EPHA1: variants seen among roughly 807,000 people sequenced by gnomAD.
EPHA1 encodes the protein ephrin type-A receptor 1.
EPHA1 carries 92 observed loss-of-function variants against 110.1 expected under a neutral mutation model. The observed-to-expected ratio is 0.84, with a 90% confidence interval of 0.71 to 0.99. The LOEUF is 0.99. Among genes scored for constraint, EPHA1 ranks in the 50% least tolerant of loss-of-function variants. The pLI is 0.00. For synonymous variants in EPHA1, 500 were observed against 516.1 expected, an observed-to-expected ratio of 0.97 and a Z score of 0.42; for missense variants, 1,204 against 1,285.4, an observed-to-expected ratio of 0.94 and a Z score of 0.97.
intron 2 of EPHA1, among the ~76,000 whole-genome samples, chr7:143,404,214 A>T (rs1438624147): frequency 8.7e-6 from 1 of 115,482 alleles, no homozygotes; most frequent in Non-Finnish European, 1.9e-5. Flanking sequence ...ATGGAGAGAT[A>T]TATCTTTTTT....
rs1462313272 is a variant in EPHA1 at position 143,395,856 on chromosome 7, T to C, written c.1898-352A>G. Among the ~76,000 whole-genome samples, 1 of 152,218 alleles carries C rather than the reference T, an allele frequency of 6.6e-6. No homozygotes were observed. Among genetic ancestry groups the C allele is most frequent in the Non-Finnish European group, 1.5e-5 (1 of 68,036 alleles). Reference sequence around the variant, plus strand: ...ACCCAAGTGGCAGGGACGCTGGCTATGGCCGCCTCTCTTCTGTGAGCTCCT... The same window carrying C: ...ACCCAAGTGGCAGGGACGCTGGCTACGGCCGCCTCTCTTCTGTGAGCTCCT... On this transcript the variant is annotated intron_variant, in intron 11 of 17. Transcript: ENST00000275815. This position sits in a 1 kb window ranked among gnomAD's most constrained non-coding sequence, Gnocchi z 4.7.
rs373049955 is a variant in EPHA1, at chr7:143,398,355, G to A, written c.1430C>T (p.Ala477Val). Reference protein sequence around the residue: ...WAGSRPRSPGANLTYELHVLN... With the variant: ...WAGSRPRSPGVNLTYELHVLN... ...CACGTGCAGCTCATAGGTCAGGTTC[G>A]CCCCAGGGCTTCGGGGCCGGGACCC... Residue 477 changes from alanine to valine, a missense_variant, in exon 7 of 18, where the codon GCG (alanine) becomes GTG (valine). Transcript: ENST00000275815. The A allele has an allele frequency of 8.4e-5, 136 of 1,614,090 alleles. No individual in the cohort carries two copies. The highest frequency in any genetic ancestry group is 1.3e-4 in the South Asian group (12 of 91,084).
chr7:143,402,061 G>A (rs957005812), intron 2 of EPHA1, among the ~76,000 whole-genome samples: 3 of 151,664 alleles, frequency 2.0e-5, no homozygotes, highest in Admixed American at 2.0e-4. Flanking sequence ...GGGACTACAG[G>A]TGCCTGCCAA....
At position 143,393,628 on chromosome 7, in the gene EPHA1, A is replaced by T; in HGVS notation, c.2696+43T>A. The T allele has an allele frequency of 1.3e-6, 2 of 1,599,324 alleles. No homozygotes were observed. The highest frequency in any genetic ancestry group is 1.1e-5 in the South Asian group (1 of 89,058). On this transcript the variant is annotated intron_variant, in intron 16 of 17. Transcript: ENST00000275815. The surrounding 1 kb of genome is among the most constrained non-coding windows in gnomAD (Gnocchi z 5.6). ...GCTGAATGCCCATTTCCACTCTCCT[A>T]GCGCTGCCTCTGGGTTCCCTAGTCC...
chr7:143,391,403 T>C lies in EPHA1; in HGVS notation c.*54A>G. 4 of 1,605,490 alleles carry C rather than the reference T, an allele frequency of 2.5e-6. No homozygotes were observed. Among genetic ancestry groups the C allele is most frequent in the Non-Finnish European group, 3.4e-6 (4 of 1,175,160 alleles). ...GCGCAGGGAGTGACCATGAGCGACC[T>C]TGGCCCCGTCCTTGCTCCTTGCACC... is the stretch of plus-strand genomic sequence containing the variant. On this transcript the variant is annotated 3_prime_UTR_variant, in exon 18 of 18. Transcript: ENST00000275815.
chr7:143,396,578 G>C, intron 10 of EPHA1, 68 bp from the exon 11 acceptor site: 1 of 1,569,108 alleles, frequency 6.4e-7, no homozygotes, highest in Non-Finnish European at 8.7e-7. Context: ...TCAGGAGAAG[G>C]GCCAGCAGCG....
Position 143,399,633 on chromosome 7 carries a change from C to T in EPHA1, c.835+18G>A, listed in dbSNP as rs369540551. ...CCTCCCGAGTGGTTCCTCAGGTTCT[C>T]ACCGCCTCCGTTCTTACCAACACAT... On this transcript the variant is annotated intron_variant, in intron 4 of 17. Transcript: ENST00000275815. The T allele has an allele frequency of 4.3e-6, 7 of 1,611,832 alleles. No homozygotes were observed. Among genetic ancestry groups the T allele is most frequent in the Non-Finnish European group, 5.1e-6 (6 of 1,179,668 alleles).
intron 14 of EPHA1, 128 bp downstream of exon 14, chr7:143,394,680 A>G: frequency 8.7e-7 from 1 of 1,155,258 alleles, no homozygotes; most frequent in Non-Finnish European, 1.2e-6. Flanking sequence ...TCGGCCTCCC[A>G]AAGTGCTGGG....
chr7:143,398,018 A>G lies in EPHA1; in HGVS notation c.1517T>C (p.Leu506Pro). Residue 506 changes from leucine to proline, a missense_variant, in exon 8 of 18, where the codon CTG becomes CCG. Physicochemically the swap from Leu to Pro is moderately conservative, Grantham distance 98. Transcript: ENST00000275815. ...GACGATGTATGTGGTGTCAGGCTGC[A>G]GCTCTGTCAGCAAGACCCTGGGTTC... ...VLEPRVLLTE[L>P]QPDTTYIVRV... The G allele has an allele frequency of 6.2e-7, 1 of 1,614,148 alleles. No homozygotes were observed. The highest frequency in any genetic ancestry group is 8.5e-7 in the Non-Finnish European group (1 of 1,180,008).
At position 143,399,925 on chromosome 7, in the gene EPHA1, G is replaced by A. The variant is rs200650836; in HGVS notation, c.561C>T (p.Asn187=). ...ACACCAGGGCCACACAGGCACCCGG[G>A]TTGTGGAAAGCGAGGTAGAGGCCAC... is the stretch of plus-strand genomic sequence containing the variant. ...TRRGLYLAFH[N]PGACVALVSV... is the part of the protein sequence containing the mutation. The change falls in exon 4 of 18, where the codon AAC becomes AAT. Residue 187 remains asparagine (N), a synonymous_variant. Coordinates refer to ENST00000275815, the MANE Select transcript of EPHA1 (RefSeq NM_005232.5). 7.9e-5 allele frequency: 128 copies of A among 1,613,626 alleles called. No individual in the cohort carries two copies. The African/African-American group carries it at 1.2e-3, about 15-fold the overall frequency.
chr7:143,400,258 A>G (rs1805382737), intron 3 of EPHA1, among the ~76,000 whole-genome samples: 1 of 152,168 alleles, frequency 6.6e-6, no homozygotes, highest in African/African-American at 2.4e-5. Flanking sequence ...TATTGTCTCT[A>G]TTTAATAGAT....
chr7:143,401,206 T>A lies in EPHA1; in HGVS notation c.432+118A>T. The stretch of plus-strand genomic sequence containing the variant: ...CCATGCCCAGCCTTCAAGCGCCAAA[T>A]TCTTTTCAAGATTCTACCTCTGCAC... On this transcript the variant is annotated intron_variant, in intron 3 of 17. Coordinates refer to ENST00000275815, the MANE Select transcript of EPHA1 (RefSeq NM_005232.5). This position sits in a 1 kb window ranked among gnomAD's most constrained non-coding sequence, Gnocchi z 4.1. 1.4e-6 allele frequency: 2 copies of A among 1,379,890 alleles called. No individual in the cohort carries two copies. The highest frequency in any genetic ancestry group is 2.0e-6 in the Non-Finnish European group (2 of 1,022,230). The allele number at this position is 1,379,890 out of a possible 1,614,324, so 85.5% of individuals were successfully genotyped here. A position where few individuals can be genotyped will look rare whatever the true frequency, so the allele number is the denominator to read the frequency against.
chr7:143,397,658 C>T lies in EPHA1; in HGVS notation c.1616-1G>A. On this transcript the variant is annotated splice_acceptor_variant, in intron 8 of 17. Transcript: ENST00000275815. LOFTEE classifies it high-confidence loss of function. The stretch of plus-strand genomic sequence containing the variant: ...TCTCCTCCAGTCAGGCCCCTGGACA[C>T]TGTAGGCACAAAGGGATGAGGAAGT... 1.2e-6 allele frequency: 2 copies of T among 1,614,136 alleles called. No homozygotes were observed. The highest frequency in any genetic ancestry group is 1.7e-6 in the Non-Finnish European group (2 of 1,180,008).
chr7:143,392,799 G>A (rs760644350), intron 16 of EPHA1, among the ~76,000 whole-genome samples: 7 of 152,050 alleles, frequency 4.6e-5, no homozygotes, highest in Non-Finnish European at 8.8e-5. Context: ...AAAATTAGCC[G>A]GGCATGGTGG....
chr7:143,406,473 T>C (rs1342498466), intron 2 of EPHA1, among the ~76,000 whole-genome samples: 1 of 152,244 alleles, frequency 6.6e-6, no homozygotes, highest in African/African-American at 2.4e-5. Context: ...AGTAAGCCAG[T>C]AAATCCAAGT....
chr7:143,398,081 G>A lies in EPHA1; in HGVS notation c.1465-11C>T. The A allele has an allele frequency of 6.2e-7, 1 of 1,613,768 alleles. No individual in the cohort carries two copies. The highest frequency in any genetic ancestry group is 8.5e-7 in the Non-Finnish European group (1 of 1,179,720). On this transcript the variant is annotated splice_polypyrimidine_tract_variant and intron_variant, in intron 7 of 17. Coordinates refer to ENST00000275815, the MANE Select transcript of EPHA1 (RefSeq NM_005232.5). Reference sequence around the variant, plus strand: ...GTACCGTTCTTCATCCTGTGGGTTGGAGTTGCATTAAGTGGGCAGTGCTGA... The same window carrying A: ...GTACCGTTCTTCATCCTGTGGGTTGAAGTTGCATTAAGTGGGCAGTGCTGA...
Position 143,394,197 on chromosome 7 carries a change from C to G in EPHA1, c.2499G>C (p.Gln833His). The G allele has an allele frequency of 6.2e-7, 1 of 1,612,390 alleles. No individual in the cohort carries two copies. The highest frequency in any genetic ancestry group is 8.5e-7 in the Non-Finnish European group (1 of 1,178,724). ...GDKPYGEMSN[Q>H]EVMKSIEDGY... ...AGGAAGAATATTCTGGGCTCACCTC[C>G]TGATTGCTCATCTCCCCATAAGGCT... is the stretch of plus-strand genomic sequence containing the variant. The change falls in exon 15 of 18, where the codon CAG becomes CAC. Residue 833 changes from glutamine to histidine, a missense_variant. Physicochemically the swap from Gln to His is conservative, Grantham distance 24 (BLOSUM62 0). Transcript: ENST00000275815.
rs774581597 is a variant in EPHA1, at chr7:143,393,807, G to A, written c.2560C>T (p.Pro854Ser). ...RLPPPVDCPA[P>S]LYELMKNCWA... is the part of the protein sequence containing the mutation. ...CAGTTCTTCATGAGCTCATACAGAG[G>A]GGCAGGGCAGTCCACAGGAGGGGGC... The change falls in exon 16 of 18, where the codon CCT becomes TCT. Residue 854 changes from proline to serine, a missense_variant. Transcript: ENST00000275815. This position sits in a 1 kb window ranked among gnomAD's most constrained non-coding sequence, Gnocchi z 5.6. 1.1e-5 allele frequency: 17 copies of A among 1,606,296 alleles called. No homozygotes were observed. The highest frequency in any genetic ancestry group is 1.7e-4 in the Middle Eastern group (1 of 6,028).
At chr7:143,399,064 G>T in intron 5 of EPHA1, 119 bp from the exon 6 acceptor site, 5 of 1,233,304 alleles carry the variant, frequency 4.1e-6, no homozygotes, top group East Asian at 4.9e-5. Context: ...GGGGAGATTT[G>T]ATTTCTACTG....
Sources: allele counts gnomAD v4.1 joint callset (sites outside exome capture counted in the v4.1 genomes callset), GRCh38; gene constraint gnomAD v4.1.1; non-coding constraint Gnocchi (gnomAD v3.1); transcripts MANE v1.5; gene names NCBI Gene and HGNC (gene_info 2026-07-23, HGNC 2026-07-21).